NUB1: variants seen among roughly 807,000 people sequenced by gnomAD.
NUB1 encodes the protein NEDD8 ultimate buster 1.
A neutral mutation model predicts 77.1 loss-of-function variants in NUB1; 41 were observed. That is an observed-to-expected ratio of 0.53 (90% CI 0.41 to 0.69). The LOEUF (loss-of-function observed/expected upper bound fraction) is 0.69. Ranked by LOEUF, NUB1 falls within the 30% of genes least tolerant of loss-of-function variation. The probability of loss-of-function intolerance (pLI) is 0.00; values close to 1 mark genes in which losing one functional copy is unlikely to be tolerated. For missense variants in NUB1, 643 were observed against 743.8 expected (o/e 0.86, Z 1.58); for synonymous variants, 257 against 281.0 (o/e 0.91, Z 0.85).
At chr7:151,347,490 A>C (rs10263820) in intron 2 of NUB1, among the ~76,000 whole-genome samples, 15,379 of 151,900 alleles carry the variant, frequency 0.1, 914 homozygotes, top group African/African-American at 0.15. Context: ...CAAGGTCTTG[A>C]TCTGTTGCCC....
chr7:151,346,945 G>A (rs1796528465), intron 2 of NUB1, among the ~76,000 whole-genome samples: 1 of 152,034 alleles, frequency 6.6e-6, no homozygotes, highest in African/African-American at 2.4e-5. Context: ...GGGCTTTTTT[G>A]TGGGCTGAGC....
Position 151,377,989 on chromosome 7 carries a change from C to A in NUB1, c.*764C>A, listed in dbSNP as rs1291727911. ...TTAATTAATATTTTTAGACTCTGTG[C>A]TGTCATACTGAACTCACTGCTAGCT... On this transcript the variant is annotated 3_prime_UTR_variant, in exon 15 of 15. Coordinates refer to ENST00000568733, the MANE Select transcript of NUB1 (RefSeq NM_001243351.2). 1 of 152,190 alleles carries A rather than the reference C, an allele frequency of 6.6e-6. No individual in the cohort carries two copies. The highest frequency in any genetic ancestry group is 2.4e-5 in the African/African-American group (1 of 41,428). 9.4% of individuals were successfully genotyped at this position (152,190 alleles called of 1,614,324 possible). A position where few individuals can be genotyped will look rare whatever the true frequency, so the allele number is the denominator to read the frequency against.
chr7:151,363,111 G>C (rs955662580), intron 8 of NUB1, among the ~76,000 whole-genome samples: 5 of 152,096 alleles, frequency 3.3e-5, no homozygotes, highest in African/African-American at 9.7e-5. Context: ...AAATTAGCAG[G>C]CATGCAAAGA....
chr7:151,352,837 G>T lies in NUB1; in HGVS notation c.370G>T (p.Glu124Ter). Residue 124 changes from glutamate to a stop codon, truncating the protein, a stop_gained, in exon 5 of 15, where the codon GAA becomes TAA. Transcript: ENST00000568733. LOFTEE classifies it high-confidence loss of function. ...SKIAETFGLQ[E>*]NYIKIVINKK... is the part of the protein sequence containing the mutation. ...AATAGCTGAAACCTTTGGACTTCAA[G>T]AAAATTATATCAAAATTGTCATAAA... The T allele has an allele frequency of 1.9e-6, 3 of 1,562,184 alleles. No homozygotes were observed. In the South Asian group the frequency reaches 3.4e-5, roughly 18 times the overall value.
At chr7:151,376,354 G>A (rs1403305628) in intron 13 of NUB1, 4 of 494,024 alleles carry the variant, frequency 8.1e-6, no homozygotes, top group Admixed American at 3.5e-5. Flanking sequence ...CTGACCTCGC[G>A]GTGCTCGTGG....
rs552466123 is a variant in NUB1, at chr7:151,360,629, T to G, written c.800+382T>G. On this transcript the variant is annotated intron_variant, in intron 8 of 14. Transcript: ENST00000568733. ...GGTGATATTATTCCTTCTGTACTTATTTTTTTTGAGACAGAGTCTCACTCT... is the reference window on the plus strand; with the variant it reads ...GGTGATATTATTCCTTCTGTACTTAGTTTTTTTGAGACAGAGTCTCACTCT... The G allele has an allele frequency of 2.6e-5, 3 of 117,628 alleles. No individual in the cohort carries two copies. The South Asian group carries it at 7.7e-4, about 30-fold the overall frequency. The allele number at this position is 117,628 out of a possible 1,614,324, so 7.3% of individuals were successfully genotyped here.
At chr7:151,368,047 G>C (rs1404890320) in intron 10 of NUB1, 79 bp downstream of exon 10, 3 of 823,114 alleles carry the variant, frequency 3.6e-6, no homozygotes, top group Non-Finnish European at 5.8e-6. Context: ...TAACTTAGTA[G>C]TTTGTGACTT....
rs896116087 is a variant in NUB1, at chr7:151,375,882, A to T, written c.1430A>T (p.Asn477Ile). ...AGCAATCCTCAGATGTGGTGGTTAA[A>T]TGATTCCAATCCTGAAACCGACAAC... ...LLSNPQMWWL[N>I]DSNPETDNRQ... is the part of the protein sequence containing the mutation. Residue 477 changes from asparagine (N) to isoleucine (I), a missense_variant, in exon 13 of 15, where the codon AAT becomes ATT. By Grantham distance (149) the Asn-to-Ile change is moderately radical. Coordinates refer to ENST00000568733, the MANE Select transcript of NUB1 (RefSeq NM_001243351.2). 5 of 1,613,182 alleles carry T rather than the reference A, an allele frequency of 3.1e-6. No individual in the cohort carries two copies. Among genetic ancestry groups the T allele is most frequent in the Non-Finnish European group, 4.2e-6 (5 of 1,179,234 alleles).
chr7:151,374,626 T>C, intron 12 of NUB1: 2 of 267,054 alleles, frequency 7.5e-6, no homozygotes, highest in Non-Finnish European at 1.5e-5. Context: ...TAAATGTAAG[T>C]ATCTAGTTTT....
At chr7:151,375,991 G>A (rs778565464) in intron 13 of NUB1, 48 bp downstream of exon 13, 5 of 1,203,182 alleles carry the variant, frequency 4.2e-6, no homozygotes, top group Non-Finnish European at 6.2e-6. Flanking sequence ...CTCGGGTGGG[G>A]TTGCTTGGGG....
chr7:151,350,233 G>A (rs1796723485), intron 3 of NUB1, among the ~76,000 whole-genome samples: 1 of 152,274 alleles, frequency 6.6e-6, no homozygotes, highest in African/African-American at 2.4e-5. Flanking sequence ...GAAGCACAGC[G>A]TCACAGGGAG....
chr7:151,353,514 A>C (rs959354451), intron 5 of NUB1, among the ~76,000 whole-genome samples: 8 of 152,196 alleles, frequency 5.3e-5, no homozygotes, highest in African/African-American at 1.9e-4. Context: ...CAGGCCCCAC[A>C]ACAAAGACTT....
chr7:151,365,797 T>C (rs1797646591), intron 8 of NUB1, among the ~76,000 whole-genome samples: 1 of 152,206 alleles, frequency 6.6e-6, no homozygotes, highest in Non-Finnish European at 1.5e-5. Flanking sequence ...ACTGCTGTGA[T>C]ACATTTTTCT....
chr7:151,358,198 T>C (rs1490392372), intron 7 of NUB1, among the ~76,000 whole-genome samples: 1 of 150,232 alleles, frequency 6.7e-6, no homozygotes. Context: ...GGTCTCAATC[T>C]CTTGACCTCG....
chr7:151,349,216 G>GT lies in NUB1; in HGVS notation c.266dup (p.Leu89PhefsTer9). The GT allele has an allele frequency of 6.2e-7, 1 of 1,611,454 alleles. No homozygotes were observed. Among genetic ancestry groups the GT allele is most frequent in the Non-Finnish European group, 8.5e-7 (1 of 1,179,140 alleles). ...CAACGGGAATTGCTACAATCGAGGT[G>GT]TTTTTACCACCAAGACTAAAAAAAG... On this transcript the variant is annotated frameshift_variant, in exon 3 of 15. Coordinates refer to ENST00000568733, the MANE Select transcript of NUB1 (RefSeq NM_001243351.2). LOFTEE classifies it high-confidence loss of function.
At chr7:151,371,824 A>C (rs979939518) in intron 11 of NUB1, among the ~76,000 whole-genome samples, 3 of 152,062 alleles carry the variant, frequency 2.0e-5, no homozygotes, top group Non-Finnish European at 4.4e-5. Flanking sequence ...GCTCACTGCA[A>C]CCTTGATCTC....
At chr7:151,364,355 A>C (rs1797537910) in intron 8 of NUB1, among the ~76,000 whole-genome samples, 1 of 149,320 alleles carries the variant, frequency 6.7e-6, no homozygotes. Context: ...CGGGAGGCGA[A>C]GCTTGCAGTG....
At chr7:151,369,143 G>A (rs983955330) in intron 11 of NUB1, 1 of 273,254 alleles carries the variant, frequency 3.7e-6, no homozygotes, top group Non-Finnish European at 6.9e-6. Context: ...GAGTAGCTGG[G>A]ATTACAGGTG....
intron 11 of NUB1, among the ~76,000 whole-genome samples, chr7:151,371,225 A>G (rs1016552120): frequency 1.3e-5 from 2 of 152,224 alleles, no homozygotes; most frequent in South Asian, 4.1e-4. Context: ...TGGCCTAAAC[A>G]TCAAAACAAG....
Sources: gnomAD v4.1 joint callset for allele counts (sites outside exome capture counted in the v4.1 genomes callset) on GRCh38, gnomAD v4.1.1 for gene constraint, MANE v1.5 for transcripts, NCBI Gene and HGNC (gene_info 2026-07-23, HGNC 2026-07-21) for gene names.